ST7: variants seen among roughly 807,000 people sequenced by gnomAD.
The protein encoded by ST7 is suppression of tumorigenicity 7.
Under a neutral mutation model 78.7 loss-of-function variants are expected in ST7, and 28 were observed. That is an observed-to-expected ratio of 0.36 (90% CI 0.26 to 0.49). The LOEUF is 0.49. Among genes scored for constraint, ST7 ranks in the 20% least tolerant of loss-of-function variants. The probability of loss-of-function intolerance (pLI) is 0.99; values close to 1 mark genes in which losing one functional copy is unlikely to be tolerated. For synonymous variants in ST7, 247 were observed against 249.6 expected (o/e 0.99, Z 0.10); for missense variants, 418 against 696.0 (o/e 0.60, Z 4.49).
At chr7:117,110,262 A>C (rs1443575429) in intron 2 of ST7, among the ~76,000 whole-genome samples, 1 of 152,210 alleles carries the variant, frequency 6.6e-6, no homozygotes, top group Non-Finnish European at 1.5e-5. Context: ...TCTGGATACA[A>C]TTTCATACTG....
At chr7:116,967,257 C>G (rs1188028795) in intron 1 of ST7, 1 of 470,834 alleles carries the variant, frequency 2.1e-6, no homozygotes, top group South Asian at 1.5e-5. Flanking sequence ...TGGAAGACCC[C>G]ATTCCCCTGC....
At chr7:116,974,880 G>C (rs910052629) in intron 1 of ST7, among the ~76,000 whole-genome samples, 2 of 152,210 alleles carry the variant, frequency 1.3e-5, no homozygotes, top group Non-Finnish European at 2.9e-5. Flanking sequence ...AGATACAAAT[G>C]CAAGTGTCCT....
Position 117,046,246 on chromosome 7 carries a change from A to G in ST7, c.152-53516A>G, listed in dbSNP as rs534657099. Among the ~76,000 whole-genome samples the G allele has an allele frequency of 3.9e-5, 6 of 152,248 alleles. No homozygotes were observed. The South Asian group carries it at 1.0e-3, about 26-fold the overall frequency. The stretch of plus-strand genomic sequence containing the variant: ...GAACCCTGTTTCTTTCCCGCAGCAT[A>G]TAAGACGCTTCCCTGTCTGTATTCA... On this transcript the variant is annotated intron_variant, in intron 1 of 15. Transcript: ENST00000323984.
At chr7:117,048,824 C>T (rs1797620442) in intron 1 of ST7, among the ~76,000 whole-genome samples, 1 of 152,080 alleles carries the variant, frequency 6.6e-6, no homozygotes, top group African/African-American at 2.4e-5. Context: ...TGTTGGGGTT[C>T]TCCTCATAGC....
chr7:117,212,677 A>G (rs1792387803), intron 13 of ST7, among the ~76,000 whole-genome samples: 3 of 152,202 alleles, frequency 2.0e-5, no homozygotes, highest in Admixed American at 6.5e-5. Flanking sequence ...TTACCACTCA[A>G]TTGTGGATTT....
intron 9 of ST7, among the ~76,000 whole-genome samples, chr7:117,164,231 C>T (rs775877982): frequency 1.3e-5 from 2 of 152,100 alleles, no homozygotes; most frequent in East Asian, 1.9e-4. Context: ...TGCCAAGAAC[C>T]GTTGTCACTG....
intron 1 of ST7, among the ~76,000 whole-genome samples, chr7:117,054,886 A>T (rs1227936546): frequency 2.0e-5 from 3 of 152,226 alleles, no homozygotes; most frequent in African/African-American, 7.2e-5. Flanking sequence ...GGCTACATAC[A>T]AGGAAAAGCA....
At chr7:117,109,930 A>T (rs890208616) in intron 2 of ST7, among the ~76,000 whole-genome samples, 2 of 152,374 alleles carry the variant, frequency 1.3e-5, no homozygotes, top group East Asian at 3.9e-4. Flanking sequence ...AAACAGAATT[A>T]AAAATGAAAA....
intron 1 of ST7, among the ~76,000 whole-genome samples, chr7:117,050,074 G>T (rs1239717399): frequency 2.0e-5 from 3 of 151,386 alleles, no homozygotes; most frequent in African/African-American, 7.3e-5. Context: ...AAATAGCTGG[G>T]TGTGTTGGCA....
At chr7:117,173,409 T>C (rs1808141294) in intron 10 of ST7, 1 of 152,170 alleles carries the variant, frequency 6.6e-6, no homozygotes, top group African/African-American at 2.4e-5. Flanking sequence ...AAGTTACTGT[T>C]CTTGAGGGTT....
chr7:117,077,762 C>T (rs1456889999), intron 1 of ST7, among the ~76,000 whole-genome samples: 4 of 151,596 alleles, frequency 2.6e-5, no homozygotes, highest in Non-Finnish European at 5.9e-5. Context: ...AAAAAAATAC[C>T]TATGTTATCA....
At chr7:117,147,587 A>G (rs1805906405) in intron 9 of ST7, among the ~76,000 whole-genome samples, 2 of 151,484 alleles carry the variant, frequency 1.3e-5, no homozygotes, top group Admixed American at 6.6e-5. Flanking sequence ...TTATTTGGCT[A>G]GTTTTTACTC....
chr7:117,226,018 C>T (rs887981438), intron 15 of ST7, among the ~76,000 whole-genome samples: 1 of 152,100 alleles, frequency 6.6e-6, no homozygotes, highest in African/African-American at 2.4e-5. Context: ...GGATTCTGAC[C>T]CCTCTGTCTT....
At chr7:117,068,527 C>T (rs1035583991) in intron 1 of ST7, among the ~76,000 whole-genome samples, 119 of 152,294 alleles carry the variant, frequency 7.8e-4, no homozygotes, top group African/African-American at 2.8e-3. Flanking sequence ...GAGCGGTGCT[C>T]CTGAAAATAA....
intron 1 of ST7, among the ~76,000 whole-genome samples, chr7:117,074,189 G>A (rs1291479767): frequency 2.0e-5 from 3 of 152,046 alleles, no homozygotes; most frequent in African/African-American, 4.8e-5. Context: ...CCAGGAGTTC[G>A]AGACCAGCCT....
chr7:117,196,385 AC>A (rs869054405), intron 12 of ST7, among the ~76,000 whole-genome samples: 7 of 95,298 alleles, frequency 7.3e-5, no homozygotes, highest in Admixed American at 5.7e-4. Flanking sequence ...GTACATTCCC[AC>A]CAACAGTGCA....
chr7:117,162,314 T>C (rs1307404185), intron 9 of ST7, among the ~76,000 whole-genome samples: 1 of 152,112 alleles, frequency 6.6e-6, no homozygotes, highest in East Asian at 1.9e-4. Context: ...GTTTACTGAA[T>C]GAATAATCCT....
chr7:117,102,748 A>C (rs1801658983), intron 2 of ST7, among the ~76,000 whole-genome samples: 1 of 152,150 alleles, frequency 6.6e-6, no homozygotes, highest in Admixed American at 6.5e-5. Flanking sequence ...TTTCAGTGAG[A>C]TAGGTGATAG....
intron 12 of ST7, among the ~76,000 whole-genome samples, chr7:117,208,456 C>T (rs1364580764): frequency 6.6e-6 from 1 of 152,166 alleles, no homozygotes; most frequent in Non-Finnish European, 1.5e-5. Flanking sequence ...AGGCCAGAAG[C>T]TTGGAGGTTT....
Sources: allele counts gnomAD v4.1 joint callset (sites outside exome capture counted in the v4.1 genomes callset), GRCh38; gene constraint gnomAD v4.1.1; transcripts MANE v1.5; gene names NCBI Gene and HGNC (gene_info 2026-07-23, HGNC 2026-07-21).